EXOC4: variants seen among roughly 807,000 people sequenced by gnomAD.
EXOC4 encodes exocyst complex component 4.
In EXOC4, 71 loss-of-function variants were observed where a neutral mutation model predicts 107.2. The ratio of observed to expected loss-of-function variants is 0.66; its 90% CI spans 0.55 to 0.81. The LOEUF (loss-of-function observed/expected upper bound fraction) is 0.81, where lower values mean the gene tolerates loss of function less well. EXOC4 is among the 30% of genes least tolerant of loss of function. The pLI is 0.00. For synonymous variants in EXOC4, 456 were observed against 441.2 expected (o/e 1.03, Z -0.42); for missense variants, 1,108 against 1,189.6 (o/e 0.93, Z 1.01).
At chr7:133,591,643 T>A (rs1480558853) in intron 9 of EXOC4, among the ~76,000 whole-genome samples, 1 of 152,078 alleles carries the variant, frequency 6.6e-6, no homozygotes, top group Non-Finnish European at 1.5e-5. Context: ...ACTCTGTATA[T>A]TTTTTGTAAA....
At chr7:133,818,331 T>C (rs1023287971) in intron 11 of EXOC4, among the ~76,000 whole-genome samples, 4 of 152,148 alleles carry the variant, frequency 2.6e-5, no homozygotes, top group African/African-American at 7.2e-5. Flanking sequence ...AATTGTACAA[T>C]ATGAGACTAT....
At chr7:133,690,399 G>A (rs931177423) in intron 10 of EXOC4, among the ~76,000 whole-genome samples, 1 of 152,138 alleles carries the variant, frequency 6.6e-6, no homozygotes. Context: ...AGCTAAAAAT[G>A]TGCCTACAGG....
chr7:133,664,198 AT>A (rs1793760468), intron 10 of EXOC4, among the ~76,000 whole-genome samples: 1 of 151,796 alleles, frequency 6.6e-6, no homozygotes, highest in South Asian at 2.1e-4. Flanking sequence ...CTACTTTTTA[AT>A]TTTTTTCTGT....
intron 15 of EXOC4, among the ~76,000 whole-genome samples, chr7:134,000,830 A>G (rs1794515675): frequency 6.6e-6 from 1 of 152,198 alleles, no homozygotes; most frequent in South Asian, 2.1e-4. Context: ...AGAAGAAAAC[A>G]ATTCATGGAA....
chr7:133,856,715 T>G (rs996366874), intron 11 of EXOC4, among the ~76,000 whole-genome samples: 5 of 152,162 alleles, frequency 3.3e-5, no homozygotes, highest in African/African-American at 9.7e-5. Flanking sequence ...ATCCAGATGC[T>G]TCATTCTGCA....
At chr7:133,566,898 T>C (rs912963211) in intron 9 of EXOC4, among the ~76,000 whole-genome samples, 2 of 152,140 alleles carry the variant, frequency 1.3e-5, no homozygotes, top group Non-Finnish European at 2.9e-5. Context: ...GACTAAAGGT[T>C]CAGAATATCT....
chr7:133,763,389 G>A (rs1044732417), intron 10 of EXOC4, among the ~76,000 whole-genome samples: 1 of 152,138 alleles, frequency 6.6e-6, no homozygotes, highest in African/African-American at 2.4e-5. Context: ...ATGTTCAGTT[G>A]TGTTGGTTGG....
intron 15 of EXOC4, among the ~76,000 whole-genome samples, chr7:134,001,153 G>A (rs1794522729): frequency 2.0e-5 from 3 of 151,982 alleles, no homozygotes. Context: ...AAACTATTGA[G>A]GTTTGTTTTT....
intron 10 of EXOC4, among the ~76,000 whole-genome samples, chr7:133,637,973 A>T (rs989068087): frequency 6.6e-6 from 1 of 152,164 alleles, no homozygotes; most frequent in Non-Finnish European, 1.5e-5. Context: ...TAAAGAGGTG[A>T]GGCATCCCAA....
the EXOC4 span, among the ~76,000 whole-genome samples, chr7:134,097,618 C>T: frequency 6.6e-6 from 1 of 152,194 alleles, no homozygotes; most frequent in East Asian, 1.9e-4. Context: ...CTGGGTGACC[C>T]AAAACAAAAA....
chr7:134,064,195 A>T, intron 17 of EXOC4, 96 bp from the exon 18 acceptor site: 1 of 718,576 alleles, frequency 1.4e-6, no homozygotes, highest in Non-Finnish European at 2.2e-6. Context: ...GTTATGAAGT[A>T]AGTAGAGGAA....
chr7:133,986,453 G>A (rs1794115488), intron 14 of EXOC4, among the ~76,000 whole-genome samples: 2 of 152,178 alleles, frequency 1.3e-5, no homozygotes. Context: ...GTTGGGAAAA[G>A]AGTAGTAGCT....
At chr7:133,804,602 A>G (rs1454558823) in intron 10 of EXOC4, among the ~76,000 whole-genome samples, 2 of 152,174 alleles carry the variant, frequency 1.3e-5, no homozygotes, top group African/African-American at 4.8e-5. Flanking sequence ...TGTTTCTTCC[A>G]GACAATATAT....
At chr7:133,714,547 G>T (rs531691297) in intron 10 of EXOC4, among the ~76,000 whole-genome samples, 6 of 152,032 alleles carry the variant, frequency 3.9e-5, no homozygotes, top group Non-Finnish European at 8.8e-5. Context: ...AGTAACAATT[G>T]GCCCCCCATA....
chr7:134,038,673 C>T (rs906830173), intron 17 of EXOC4, among the ~76,000 whole-genome samples: 2 of 152,118 alleles, frequency 1.3e-5, no homozygotes, highest in African/African-American at 2.4e-5. Flanking sequence ...TATGTTCCTT[C>T]GCTATCCTCC....
intron 17 of EXOC4, among the ~76,000 whole-genome samples, chr7:134,042,934 C>T (rs1042116048): frequency 7.2e-5 from 11 of 152,066 alleles, no homozygotes; most frequent in Non-Finnish European, 1.3e-4. Flanking sequence ...CTACTGGTGC[C>T]GGGGGCTGAG....
intron 13 of EXOC4, among the ~76,000 whole-genome samples, chr7:133,933,187 G>T (rs1800220991): frequency 2.0e-5 from 3 of 152,060 alleles, no homozygotes; most frequent in Non-Finnish European, 4.4e-5. Flanking sequence ...GATTGTAATT[G>T]TGTGGTAAAA....
At chr7:133,860,777 C>G (rs983093361) in intron 11 of EXOC4, among the ~76,000 whole-genome samples, 1 of 152,096 alleles carries the variant, frequency 6.6e-6, no homozygotes, top group Non-Finnish European at 1.5e-5. Context: ...CTTTGCAAAG[C>G]CCTCTAAAAC....
chr7:134,053,697 A>G (rs557325247), intron 17 of EXOC4, among the ~76,000 whole-genome samples: 1 of 151,980 alleles, frequency 6.6e-6, no homozygotes, highest in African/African-American at 2.4e-5. Context: ...TAACATTTAA[A>G]ATAAGGTGGT....
Sources: allele counts gnomAD v4.1 joint callset (sites outside exome capture counted in the v4.1 genomes callset), GRCh38; gene constraint gnomAD v4.1.1; transcripts MANE v1.5; gene names NCBI Gene and HGNC (gene_info 2026-07-23, HGNC 2026-07-21).